Variants in SAMD4B observed in about 807,000 individuals in gnomAD.
SAMD4B encodes the protein sterile alpha motif domain containing 4B, also known as protein Smaug homolog 2.
In SAMD4B, 5 loss-of-function variants were observed where a neutral mutation model predicts 74.5. The observed-to-expected ratio is 0.07, with a 90% CI of 0.04 to 0.14. SAMD4B has a LOEUF of 0.14. SAMD4B is among the 10% of genes least tolerant of loss of function. The pLI, the probability that SAMD4B is intolerant of heterozygous loss-of-function variation, is 1.00. For synonymous variants in SAMD4B, 373 were observed against 374.9 expected (o/e 1.00, Z 0.06); for missense variants, 608 against 921.8 (o/e 0.66, Z 4.41).
Position 39,378,647 on chromosome 19 carries a change from G to A in SAMD4B, c.1530+58G>A, listed in dbSNP as rs758776047. On this transcript the variant is annotated intron_variant, in intron 9 of 13. Coordinates refer to ENST00000610417, the MANE Select transcript of SAMD4B (RefSeq NM_001384574.2). The surrounding 1 kb of genome is among the most constrained non-coding windows in gnomAD (Gnocchi z 4.4). ...AAGGCGGCCAGGCGTGGTGGTTCACGCCTGTAGTCCCAGCACTTCGGCCAC... is the reference window on the plus strand; with the variant it reads ...AAGGCGGCCAGGCGTGGTGGTTCACACCTGTAGTCCCAGCACTTCGGCCAC... 39 of 1,482,192 alleles carry A rather than the reference G, an allele frequency of 2.6e-5. No homozygotes were observed. In the African/African-American group the frequency reaches 2.9e-4, roughly 11 times the overall value. 91.8% of individuals were successfully genotyped at this position (1,482,192 alleles called of 1,614,324 possible). A position where few individuals can be genotyped will look rare whatever the true frequency, so the allele number is the denominator to read the frequency against.
At chr19:39,347,206 T>G (rs2145202600) in intron 1 of SAMD4B, among the ~76,000 whole-genome samples, 1 of 152,320 alleles carries the variant, frequency 6.6e-6, no homozygotes, top group East Asian at 1.9e-4. Context: ...TCAACAAGCT[T>G]CTGCTTTGGA....
intron 1 of SAMD4B, among the ~76,000 whole-genome samples, chr19:39,347,093 G>A (rs1190478713): frequency 1.3e-5 from 2 of 152,142 alleles, no homozygotes; most frequent in Non-Finnish European, 2.9e-5. Flanking sequence ...TTTTGTTACT[G>A]GAAAGTCCAG....
At chr19:39,379,841 G>C (rs1185492967) in intron 9 of SAMD4B, 125 bp from the exon 10 acceptor site, 1 of 762,106 alleles carries the variant, frequency 1.3e-6, no homozygotes, top group Admixed American at 2.6e-5. Flanking sequence ...AAAGTGCTGG[G>C]ATTACAGCTT....
chr19:39,370,465 C>T (rs1394749135), intron 4 of SAMD4B, among the ~76,000 whole-genome samples: 1 of 152,200 alleles, frequency 6.6e-6, no homozygotes, highest in Admixed American at 6.5e-5. Context: ...GATCTGTTTT[C>T]CTAGTGGCAG....
At chr19:39,389,622 C>T, downstream of SAMD4B, 2 of 1,614,216 alleles carry the variant, frequency 1.2e-6, no homozygotes, top group Admixed American at 1.7e-5. This position sits in a 1 kb window ranked among gnomAD's most constrained non-coding sequence, Gnocchi z 5.3. Flanking sequence ...AGCAGACCCT[C>T]CCTGTCTCCC....
Position 39,377,659 on chromosome 19 carries a change from C to A in SAMD4B, c.1279C>A (p.Leu427Ile). 6.2e-7 allele frequency: 1 copy of A among 1,614,122 alleles called. No homozygotes were observed. The highest frequency in any genetic ancestry group is 1.1e-5 in the South Asian group (1 of 91,064). Residue 427 changes from leucine to isoleucine, a missense_variant, in exon 8 of 14, where the codon CTA becomes ATA. This residue lies in a region of SAMD4B where 99 missense variants were observed against 112.1 expected (regional missense o/e 0.88). Coordinates refer to ENST00000610417, the MANE Select transcript of SAMD4B (RefSeq NM_001384574.2). ...EPPLPGAEPPLAHPGTDKGTE... is the reference protein window; with the variant it reads ...EPPLPGAEPPIAHPGTDKGTE... ...ACCGCTGCCAGGTGCTGAGCCTCCC[C>A]TAGCCCACCCCGGCACAGACAAAGG... is the stretch of plus-strand genomic sequence containing the variant.
chr19:39,383,329 AC>A lies in SAMD4B; in HGVS notation c.2056+41del. Reference sequence around the variant, plus strand: ...TCTTTCCCTGACCCAGCTCCCACCTACCCAGCGTCTCTGCCTCTGAACTGAG... The same window carrying A: ...TCTTTCCCTGACCCAGCTCCCACCTACCAGCGTCTCTGCCTCTGAACTGAG... On this transcript the variant is annotated intron_variant, in intron 13 of 13. Transcript: ENST00000610417. This position sits in a 1 kb window ranked among gnomAD's most constrained non-coding sequence, Gnocchi z 4.1. 1 of 1,605,284 alleles carries A rather than the reference AC, an allele frequency of 6.2e-7. No homozygotes were observed.
chr19:39,375,894 A>T lies in SAMD4B; in HGVS notation c.907+5A>T, dbSNP rs1188283899. The T allele has an allele frequency of 6.2e-7, 1 of 1,602,236 alleles. No homozygotes were observed. Among genetic ancestry groups the T allele is most frequent in the Non-Finnish European group, 8.5e-7 (1 of 1,177,482 alleles). On this transcript the variant is annotated splice_donor_5th_base_variant and intron_variant, in intron 5 of 13. Coordinates refer to ENST00000610417, the MANE Select transcript of SAMD4B (RefSeq NM_001384574.2). This position sits in a 1 kb window ranked among gnomAD's most constrained non-coding sequence, Gnocchi z 4.1. Reference sequence around the variant, plus strand: ...AGGATGGCAGTGGCATGAAAGGTACATTGGGGACAGCAGCACCAGGACCCT... The same window carrying T: ...AGGATGGCAGTGGCATGAAAGGTACTTTGGGGACAGCAGCACCAGGACCCT...
At chr19:39,344,497 G>A (rs569555215) in intron 1 of SAMD4B, among the ~76,000 whole-genome samples, 10 of 152,022 alleles carry the variant, frequency 6.6e-5, no homozygotes, top group Non-Finnish European at 1.3e-4. Flanking sequence ...CACTCCCAGC[G>A]CTTCCTGAGA....
intron 1 of SAMD4B, among the ~76,000 whole-genome samples, chr19:39,343,955 G>C (rs2075509653): frequency 7.0e-6 from 1 of 142,814 alleles, no homozygotes; most frequent in Admixed American, 7.3e-5. Flanking sequence ...TTCTCTTGGT[G>C]ACCCCTCTGA....
At chr19:39,380,952 T>C (rs2145862177) in intron 11 of SAMD4B, 38 bp from the exon 12 acceptor site, 1 of 1,574,694 alleles carries the variant, frequency 6.4e-7, no homozygotes, top group South Asian at 1.2e-5. Flanking sequence ...GGGCCTCTTC[T>C]GCACTCACTA....
chr19:39,352,317 T>C (rs1417475418), intron 1 of SAMD4B: 5 of 152,170 alleles, frequency 3.3e-5, no homozygotes, highest in African/African-American at 1.2e-4. Flanking sequence ...AAGGGAGGGA[T>C]AGTTAGCAGA....
At chr19:39,343,373 C>T (rs1008547593) in intron 1 of SAMD4B, among the ~76,000 whole-genome samples, 1 of 151,244 alleles carries the variant, frequency 6.6e-6, no homozygotes, top group Non-Finnish European at 1.5e-5. Flanking sequence ...ATCATCTTCC[C>T]TGAAGATCTC....
At chr19:39,358,109 A>AT (rs2076434985) in intron 3 of SAMD4B, among the ~76,000 whole-genome samples, 1 of 152,090 alleles carries the variant, frequency 6.6e-6, no homozygotes, top group Non-Finnish European at 1.5e-5. Flanking sequence ...CGTGTCTATT[A>AT]AAAGTACAAA....
At chr19:39,363,256 A>G (rs748351551) in intron 3 of SAMD4B, among the ~76,000 whole-genome samples, 20 of 152,050 alleles carry the variant, frequency 1.3e-4, no homozygotes, top group Non-Finnish European at 2.2e-4. Flanking sequence ...CAACCTCTCC[A>G]TGTTTGCAGA....
At chr19:39,364,527 T>C (rs1017322503) in intron 3 of SAMD4B, among the ~76,000 whole-genome samples, 1 of 152,274 alleles carries the variant, frequency 6.6e-6, no homozygotes, top group Non-Finnish European at 1.5e-5. Flanking sequence ...CTGTGTGTTT[T>C]TGACTGGGGT....
At chr19:39,352,510 C>T (rs1337210939) in intron 1 of SAMD4B, 1 of 147,122 alleles carries the variant, frequency 6.8e-6, no homozygotes, top group Non-Finnish European at 1.5e-5. Context: ...AAAAAAAAAC[C>T]TAAGACGTAA....
intron 1 of SAMD4B, chr19:39,350,197 G>GA (rs1351807798): frequency 1.3e-5 from 2 of 151,980 alleles, no homozygotes; most frequent in Non-Finnish European, 2.9e-5. Context: ...TATAGAGGAG[G>GA]AAAAAAGCAT....
chr19:39,364,702 G>A (rs2076852987), intron 3 of SAMD4B, among the ~76,000 whole-genome samples: 1 of 152,196 alleles, frequency 6.6e-6, no homozygotes, highest in Admixed American at 6.5e-5. Flanking sequence ...AGTGCCAGGT[G>A]GAGTTGGGAG....
Sources: allele counts gnomAD v4.1 joint callset (sites outside exome capture counted in the v4.1 genomes callset), GRCh38; gene constraint gnomAD v4.1.1; regional missense constraint gnomAD v4.1.1; non-coding constraint Gnocchi (gnomAD v3.1); transcripts MANE v1.5; gene names NCBI Gene and HGNC (gene_info 2026-07-23, HGNC 2026-07-21).